The following JAKMIP3 variants were observed in gnomAD, a reference collection of about 807,000 sequenced individuals.
JAKMIP3 encodes Janus kinase and microtubule interacting protein 3, also known as janus kinase and microtubule-interacting protein 3.
A neutral mutation model predicts 118.5 loss-of-function variants in JAKMIP3; 58 were observed. The ratio of observed to expected loss-of-function variants is 0.49; its 90% CI spans 0.40 to 0.61. JAKMIP3 has a LOEUF of 0.61. Among genes scored for constraint, JAKMIP3 ranks in the 20% least tolerant of loss-of-function variants. The pLI, the probability that JAKMIP3 is intolerant of heterozygous loss-of-function variation, is 0.00. For missense variants in JAKMIP3, 950 were observed against 1,109.0 expected (o/e 0.86, Z 2.04); for synonymous variants, 486 against 451.2 (o/e 1.08, Z -0.98).
rs2059153838 is a variant in JAKMIP3 at position 132,168,322 on chromosome 10, C to T, written c.*392C>T. On this transcript the variant is annotated 3_prime_UTR_variant, in exon 23 of 24. Coordinates refer to ENST00000684848, the MANE Select transcript of JAKMIP3 (RefSeq NM_001323087.2). ...GCACCAGCCGCGGGTCCCCTCCTCT[C>T]TCTTGGTTCTCACAGTAGCTGCCAC... 2 of 1,289,446 alleles carry T rather than the reference C, an allele frequency of 1.6e-6. No homozygotes were observed. Among genetic ancestry groups the T allele is most frequent in the Admixed American group, 2.3e-5 (1 of 43,552 alleles). The allele number at this position is 1,289,446 out of a possible 1,614,324, so 79.9% of individuals were successfully genotyped here.
intron 11 of JAKMIP3, among the ~76,000 whole-genome samples, chr10:132,143,142 C>T (rs1337972321): frequency 4.1e-5 from 6 of 146,834 alleles, no homozygotes; most frequent in East Asian, 2.1e-4. Flanking sequence ...TGTCCTGAGT[C>T]GGGGTGGGGG....
intron 1 of JAKMIP3, among the ~76,000 whole-genome samples, chr10:132,089,349 G>A (rs1159332012): frequency 6.6e-6 from 1 of 152,202 alleles, no homozygotes; most frequent in African/African-American, 2.4e-5. Flanking sequence ...AGCATGGAAT[G>A]TTTTTCCATT....
At chr10:132,127,671 CT>C (rs148746231) in intron 3 of JAKMIP3, among the ~76,000 whole-genome samples, 2 of 151,818 alleles carry the variant, frequency 1.3e-5, no homozygotes, top group East Asian at 1.9e-4. Flanking sequence ...CCCCCTGTTC[CT>C]TTTTTTTCCC....
At chr10:132,068,376 G>A (rs1056702693) in intron 1 of JAKMIP3, among the ~76,000 whole-genome samples, 5 of 152,304 alleles carry the variant, frequency 3.3e-5, no homozygotes, top group African/African-American at 7.2e-5. Flanking sequence ...ACCCTGAAAC[G>A]GCCCTCTTTA....
At chr10:132,081,189 A>G (rs1172604354) in intron 1 of JAKMIP3, among the ~76,000 whole-genome samples, 1 of 130,658 alleles carries the variant, frequency 7.7e-6, no homozygotes, top group Non-Finnish European at 1.6e-5. Flanking sequence ...TCCCAGCATC[A>G]TTTATTGAAA....
intron 1 of JAKMIP3, among the ~76,000 whole-genome samples, chr10:132,051,066 GTACCTGCCTGTCT>G (rs2038087476): frequency 6.9e-6 from 1 of 143,982 alleles, no homozygotes; most frequent in Non-Finnish European, 1.5e-5. Context: ...TGGTTGGGGG[GTACCTGCCTGTCT>G]TTCCTGGCAT....
intron 1 of JAKMIP3, among the ~76,000 whole-genome samples, chr10:132,079,235 C>G (rs1267958208): frequency 6.9e-6 from 1 of 145,406 alleles, no homozygotes; most frequent in African/African-American, 2.6e-5. Flanking sequence ...TTTTCTCTTG[C>G]TGCCATGACA....
intron 23 of JAKMIP3, among the ~76,000 whole-genome samples, chr10:132,177,566 C>T (rs1465439059): frequency 1.4e-5 from 2 of 147,080 alleles, no homozygotes; most frequent in South Asian, 4.3e-4. Context: ...TGTGTGCGCA[C>T]CTGCTCCTGT....
intron 19 of JAKMIP3, among the ~76,000 whole-genome samples, chr10:132,159,682 A>T (rs113635766): frequency 9.9e-5 from 4 of 40,376 alleles, no homozygotes; most frequent in African/African-American, 2.5e-4. Context: ...TCCTCTCCCT[A>T]TGTGATGCTC....
chr10:132,061,240 CGGCGCACACACACACCTGCCGTGAT>C (rs142445882), upstream of JAKMIP3, among the ~76,000 whole-genome samples: 112 of 31,992 alleles, frequency 3.5e-3, 2 homozygotes, highest in Middle Eastern at 0.013. Context: ...CCTGCCGTGA[CGGCGCACACACACACCTGCCGTGAT>C]GGCGCGCACA....
At chr10:132,165,386 C>G (rs1290036726) in intron 21 of JAKMIP3, among the ~76,000 whole-genome samples, 3 of 152,200 alleles carry the variant, frequency 2.0e-5, no homozygotes, top group Admixed American at 2.0e-4. Flanking sequence ...GGGGCTGGTT[C>G]AGTCATGTCT....
chr10:132,125,365 G>A (rs1207461476), intron 3 of JAKMIP3, among the ~76,000 whole-genome samples: 6 of 152,248 alleles, frequency 3.9e-5, no homozygotes, highest in South Asian at 2.1e-4. Context: ...CACTTTGGTC[G>A]TGCATCAAGT....
chr10:132,140,330 A>T, intron 9 of JAKMIP3, 121 bp from the exon 10 acceptor site: 1 of 1,372,102 alleles, frequency 7.3e-7, no homozygotes, highest in South Asian at 1.3e-5. Flanking sequence ...AGGGACAGAG[A>T]TGGGAGTGTG....
intron 19 of JAKMIP3, among the ~76,000 whole-genome samples, chr10:132,154,569 G>A (rs55787045): frequency 0.03 from 4,642 of 152,300 alleles, 91 homozygotes; most frequent in South Asian, 0.086. Flanking sequence ...CGGAAGGTAC[G>A]ACCAGGAGGA....
At chr10:132,128,409 G>C (rs1023519568) in intron 3 of JAKMIP3, among the ~76,000 whole-genome samples, 2 of 152,138 alleles carry the variant, frequency 1.3e-5, no homozygotes, top group African/African-American at 2.4e-5. Flanking sequence ...AAAAAATACT[G>C]CTTGGAGACA....
chr10:132,070,894 G>A (rs1017487903), intron 1 of JAKMIP3, among the ~76,000 whole-genome samples: 5 of 152,120 alleles, frequency 3.3e-5, no homozygotes, highest in African/African-American at 1.2e-4. Flanking sequence ...CCATGCAGAA[G>A]GATCTCTATT....
upstream of JAKMIP3, among the ~76,000 whole-genome samples, chr10:132,060,431 C>T (rs2038359205): frequency 1.3e-5 from 2 of 152,052 alleles, no homozygotes; most frequent in South Asian, 4.2e-4. Flanking sequence ...ACTTGCAGCA[C>T]CCATTTACAA....
chr10:132,108,616 C>G (rs72858943), intron 2 of JAKMIP3, among the ~76,000 whole-genome samples: 19,148 of 151,692 alleles, frequency 0.13, 1,597 homozygotes, highest in Non-Finnish European at 0.19. Flanking sequence ...CCCCACCCCT[C>G]CCCTGCCTCA....
rs1491365450 is a variant in JAKMIP3 at position 132,180,788 on chromosome 10, T to TGTGTGTGCGTGCGC, written c.*1104-1569_*1104-1568insGTGTGTGCGTGCGC. 1.7e-3 allele frequency among the ~76,000 whole-genome samples: 18 copies of TGTGTGTGCGTGCGC among 10,724 alleles called. 6 individuals are homozygous for TGTGTGTGCGTGCGC. The highest frequency in any genetic ancestry group is 7.2e-3 in the South Asian group (2 of 276). 7.0% of individuals were successfully genotyped at this position (10,724 alleles called of 152,430 possible). A position where few individuals can be genotyped will look rare whatever the true frequency, so the allele number is the denominator to read the frequency against. On this transcript the variant is annotated intron_variant, in intron 23 of 23. Coordinates refer to ENST00000684848, the MANE Select transcript of JAKMIP3 (RefSeq NM_001323087.2). The stretch of plus-strand genomic sequence containing the variant: ...GTGTGTGCGTGTGTGTGTGTGCGCG[T>TGTGTGTGCGTGCGC]ATGCATGTGCTGTGAGTGGTGTGTT...
Sources: allele counts gnomAD v4.1 joint callset (sites outside exome capture counted in the v4.1 genomes callset), GRCh38; gene constraint gnomAD v4.1.1; transcripts MANE v1.5; gene names NCBI Gene and HGNC (gene_info 2026-07-23, HGNC 2026-07-21).